PTK2: variants seen among roughly 807,000 people sequenced by gnomAD.
PTK2 encodes focal adhesion kinase 1.
PTK2 carries 45 observed loss-of-function variants against 150.1 expected under a neutral mutation model. The observed-to-expected ratio is 0.30, with a 90% CI of 0.24 to 0.38. The LOEUF (loss-of-function observed/expected upper bound fraction) is 0.38. PTK2 is among the 10% of genes least tolerant of loss of function. The probability of loss-of-function intolerance (pLI) is 1.00; values close to 1 mark genes in which losing one functional copy is unlikely to be tolerated. For synonymous variants in PTK2, 432 were observed against 449.2 expected, an observed-to-expected ratio of 0.96 and a Z score of 0.48; for missense variants, 919 against 1,307.3, an observed-to-expected ratio of 0.70 and a Z score of 4.58.
intron 7 of PTK2, among the ~76,000 whole-genome samples, chr8:140,845,438 C>T (rs1211181755): frequency 1.3e-5 from 2 of 151,194 alleles, no homozygotes; most frequent in Non-Finnish European, 3.0e-5. Context: ...CTTCCTGGCT[C>T]CCATGCAACA....
At chr8:140,747,191 A>C (rs1261368993) in intron 17 of PTK2, 5 of 199,620 alleles carry the variant, frequency 2.5e-5, no homozygotes, top group African/African-American at 1.2e-4. Flanking sequence ...CACCCGGCCT[A>C]GTTATTCTTT....
chr8:140,971,198 A>G (rs2100187136), intron 1 of PTK2, among the ~76,000 whole-genome samples: 1 of 152,250 alleles, frequency 6.6e-6, no homozygotes, highest in South Asian at 2.1e-4. Flanking sequence ...GATGCATGAT[A>G]ATAACTGGTG....
At chr8:140,973,160 T>G (rs907156804) in intron 1 of PTK2, among the ~76,000 whole-genome samples, 2 of 152,238 alleles carry the variant, frequency 1.3e-5, no homozygotes, top group Non-Finnish European at 2.9e-5. Flanking sequence ...TTTGCTTTGC[T>G]AGGGCTTATG....
At chr8:140,699,566 A>G (rs1397692919) in intron 26 of PTK2, among the ~76,000 whole-genome samples, 1 of 152,250 alleles carries the variant, frequency 6.6e-6, no homozygotes, top group Non-Finnish European at 1.5e-5. Flanking sequence ...GAGGAGGTTC[A>G]CATCAGTCAT....
intron 14 of PTK2, among the ~76,000 whole-genome samples, chr8:140,766,296 A>G (rs1159093385): frequency 6.6e-6 from 1 of 152,170 alleles, no homozygotes; most frequent in Non-Finnish European, 1.5e-5. Flanking sequence ...GCCTTAATGA[A>G]GAAGGGCATA....
At chr8:140,915,730 T>C (rs1249713835) in intron 2 of PTK2, among the ~76,000 whole-genome samples, 1 of 151,340 alleles carries the variant, frequency 6.6e-6, no homozygotes, top group Non-Finnish European at 1.5e-5. Flanking sequence ...AACCCGTCTC[T>C]ACTAAAAAAA....
chr8:140,772,858 A>G lies in PTK2; in HGVS notation c.1178-8568T>C, dbSNP rs144979358. On this transcript the variant is annotated intron_variant, in intron 14 of 31. Coordinates refer to ENST00000522684, the Ensembl canonical transcript of PTK2. ...GCGTAAAGTTACAGAAAAATAAAAGATATATGGAACACTAGCTCTGGGGCC... is the reference window on the plus strand; with the variant it reads ...GCGTAAAGTTACAGAAAAATAAAAGGTATATGGAACACTAGCTCTGGGGCC... 3.3e-4 allele frequency among the ~76,000 whole-genome samples: 50 copies of G among 152,358 alleles called. No individual in the cohort carries two copies. The South Asian group carries it at 6.2e-3, about 19-fold the overall frequency.
At chr8:140,896,788 C>CG (rs60747008) in intron 2 of PTK2, among the ~76,000 whole-genome samples, 15,150 of 67,010 alleles carry the variant, frequency 0.23, 2,418 homozygotes, top group Middle Eastern at 0.32. Context: ...CCCAAAAAAA[C>CG]GGGGGGGGGG....
At position 140,981,717 on chromosome 8, in the gene PTK2, T is replaced by G. The variant is rs138708746; in HGVS notation, c.-122+19408A>C. 6.5e-3 allele frequency among the ~76,000 whole-genome samples: 984 copies of G among 152,348 alleles called. 12 individuals are homozygous for G. Among genetic ancestry groups the G allele is most frequent in the African/African-American group, 0.023 (937 of 41,586 alleles). On this transcript the variant is annotated intron_variant, in intron 1 of 31. Coordinates refer to ENST00000522684, the Ensembl canonical transcript of PTK2. ...ACTAGACACAGCCAGCTCATTCCTT[T>G]ACATACAGCCCATGGATGCTGTAGC...
intron 3 of PTK2, among the ~76,000 whole-genome samples, chr8:140,888,745 C>A (rs765781948): frequency 2.0e-5 from 3 of 150,714 alleles, no homozygotes; most frequent in Non-Finnish European, 4.4e-5. Context: ...CTAGGTGAGT[C>A]TTCTGATGTA....
intron 3 of PTK2, among the ~76,000 whole-genome samples, chr8:140,886,999 T>C (rs2100152544): frequency 1.3e-5 from 2 of 152,154 alleles, no homozygotes; most frequent in South Asian, 2.1e-4. Context: ...CCCACACTTA[T>C]CTCTAGAGCT....
At chr8:140,789,423 G>A (rs368548826) in intron 14 of PTK2, 51 bp downstream of exon 14, 51 of 1,565,490 alleles carry the variant, frequency 3.3e-5, no homozygotes, top group Admixed American at 8.9e-5. Flanking sequence ...ATCTATGATC[G>A]TCTTACCCCA....
At chr8:140,708,882 C>T (rs975706347) in intron 23 of PTK2, among the ~76,000 whole-genome samples, 1 of 151,014 alleles carries the variant, frequency 6.6e-6, no homozygotes, top group Non-Finnish European at 1.5e-5. Context: ...CTCTTGGAGT[C>T]CAAGAATGGA....
At chr8:140,878,067 C>A (rs6651467) in intron 4 of PTK2, among the ~76,000 whole-genome samples, 146,048 of 152,238 alleles carry the variant, frequency 0.96, 70,233 homozygotes, top group Non-Finnish European at 1. Flanking sequence ...AACAAAACAA[C>A]ACAAAAACCC....
At chr8:140,825,906 C>T (rs897833889) in intron 8 of PTK2, among the ~76,000 whole-genome samples, 1 of 152,172 alleles carries the variant, frequency 6.6e-6, no homozygotes, top group Non-Finnish European at 1.5e-5. Flanking sequence ...TTTAAAACTA[C>T]TAACATCAAC....
chr8:140,772,174 T>A (rs1185869853), intron 14 of PTK2, among the ~76,000 whole-genome samples: 1 of 152,208 alleles, frequency 6.6e-6, no homozygotes, highest in African/African-American at 2.4e-5. Context: ...GGACTTTGTA[T>A]ATGATGGCCC....
intron 1 of PTK2, among the ~76,000 whole-genome samples, chr8:140,958,343 CTA>C (rs2100181921): frequency 6.6e-6 from 1 of 152,078 alleles, no homozygotes; most frequent in African/African-American, 2.4e-5. Flanking sequence ...CAGGGTCCCA[CTA>C]TGTTACCCAG....
At chr8:140,766,008 T>C (rs1214656946) in intron 14 of PTK2, among the ~76,000 whole-genome samples, 1 of 152,160 alleles carries the variant, frequency 6.6e-6, no homozygotes, top group East Asian at 1.9e-4. Flanking sequence ...GCACCCTCAC[T>C]GCTTCCTTTC....
chr8:140,793,186 T>C (rs1350518572), intron 13 of PTK2, among the ~76,000 whole-genome samples, 168 bp downstream of exon 13: 1 of 152,214 alleles, frequency 6.6e-6, no homozygotes, highest in Non-Finnish European at 1.5e-5. Flanking sequence ...TAAGCCTAAA[T>C]ACTTAATAAA....
Sources: gnomAD v4.1 joint callset for allele counts (sites outside exome capture counted in the v4.1 genomes callset) on GRCh38, gnomAD v4.1.1 for gene constraint, MANE v1.5 for transcripts, NCBI Gene and HGNC (gene_info 2026-07-23, HGNC 2026-07-21) for gene names.